The following PPIL1 variants were observed in gnomAD, a reference collection of about 807,000 sequenced individuals.
PPIL1 encodes peptidyl-prolyl cis-trans isomerase-like 1.
A neutral mutation model predicts 19.4 loss-of-function variants in PPIL1; 14 were observed. That is an observed-to-expected ratio of 0.72 (90% confidence interval 0.48 to 1.13). The LOEUF (loss-of-function observed/expected upper bound fraction) is 1.13, where lower values mean the gene tolerates loss of function less well. Ranked by LOEUF, PPIL1 falls within the 50% of genes most tolerant of loss-of-function variation. PPIL1 has a pLI of 0.00. For missense variants in PPIL1, 192 were observed against 218.0 expected (o/e 0.88, Z 0.75); for synonymous variants, 72 against 73.6 (o/e 0.98, Z 0.11).
At chr6:36,871,575 A>T in intron 2 of PPIL1, 143 bp downstream of exon 2, 1 of 1,034,824 alleles carries the variant, frequency 9.7e-7, no homozygotes, top group Non-Finnish European at 1.4e-6. Context: ...ACCAACACAG[A>T]CCTTAGTAAG....
In PPIL1 at chr6:36,856,660, C is replaced by A. The variant is rs1182400850; in HGVS notation, c.212-6G>T. The A allele has an allele frequency of 2.5e-6, 4 of 1,613,446 alleles. No homozygotes were observed. Among genetic ancestry groups the A allele is most frequent in the Non-Finnish European group, 3.4e-6 (4 of 1,179,534 alleles). On this transcript the variant is annotated splice_region_variant and splice_polypyrimidine_tract_variant and intron_variant, in intron 2 of 3. Coordinates refer to ENST00000373699, the MANE Select transcript of PPIL1 (RefSeq NM_016059.5). Reference sequence around the variant, plus strand: ...GATAGATGCACCACCTCGACCTGCCCGATTGGAAGATGACACATGAATCAG... The same window carrying A: ...GATAGATGCACCACCTCGACCTGCCAGATTGGAAGATGACACATGAATCAG...
chr6:36,867,987 G>A (rs1320222041), intron 2 of PPIL1, among the ~76,000 whole-genome samples: 6 of 152,150 alleles, frequency 3.9e-5, no homozygotes, highest in Non-Finnish European at 8.8e-5. Flanking sequence ...CAAATGGCAT[G>A]GAAACTAGGC....
Position 36,862,845 on chromosome 6 carries a change from G to A in PPIL1, c.212-6191C>T, listed in dbSNP as rs1430757818. 4.6e-5 allele frequency among the ~76,000 whole-genome samples: 7 copies of A among 152,180 alleles called. No homozygotes were observed. In the East Asian group the frequency reaches 5.8e-4, roughly 13 times the overall value. The stretch of plus-strand genomic sequence containing the variant: ...CAAACACTTTGTTAATATACCAGAC[G>A]GGAACAATGCCACAGTCCTCCAAGG... On this transcript the variant is annotated intron_variant, in intron 2 of 3. Coordinates refer to ENST00000373699, the MANE Select transcript of PPIL1 (RefSeq NM_016059.5).
chr6:36,864,094 C>T (rs764879566), intron 2 of PPIL1, among the ~76,000 whole-genome samples: 64 of 152,022 alleles, frequency 4.2e-4, no homozygotes, highest in African/African-American at 5.8e-4. Context: ...GTTCAAACAA[C>T]AACCATCTCC....
At chr6:36,857,818 G>A (rs1208256885) in intron 2 of PPIL1, among the ~76,000 whole-genome samples, 1 of 152,014 alleles carries the variant, frequency 6.6e-6, no homozygotes, top group Non-Finnish European at 1.5e-5. Context: ...AAGAAACATG[G>A]GATTGGGAAT....
At chr6:36,870,292 A>T (rs1052916692) in intron 2 of PPIL1, among the ~76,000 whole-genome samples, 1 of 152,150 alleles carries the variant, frequency 6.6e-6, no homozygotes, top group African/African-American at 2.4e-5. Flanking sequence ...TGAAATGAGT[A>T]AGGGTTCCAC....
intron 2 of PPIL1, among the ~76,000 whole-genome samples, chr6:36,869,896 G>T (rs1349352276): frequency 2.6e-5 from 4 of 151,642 alleles, no homozygotes; most frequent in South Asian, 2.1e-4. Context: ...CTATTTTTTT[G>T]AAACTACTTC....
chr6:36,872,980 G>A (rs1216766770), intron 1 of PPIL1, among the ~76,000 whole-genome samples: 1 of 152,184 alleles, frequency 6.6e-6, no homozygotes, highest in Non-Finnish European at 1.5e-5. Context: ...CACTCTATAA[G>A]TATATGAGGA....
intron 2 of PPIL1, among the ~76,000 whole-genome samples, chr6:36,858,061 T>C (rs1337080341): frequency 6.6e-6 from 1 of 150,842 alleles, no homozygotes; most frequent in African/African-American, 2.4e-5. Flanking sequence ...AACCCCCATC[T>C]CTACTAAAAA....
rs1050494014 is a variant in PPIL1 at position 36,855,707 on chromosome 6, T to C, written c.*106A>G. 10 of 1,180,350 alleles carry C rather than the reference T, an allele frequency of 8.5e-6. No individual in the cohort carries two copies. The highest frequency in any genetic ancestry group is 1.3e-5 in the South Asian group (1 of 75,672). The allele number at this position is 1,180,350 out of a possible 1,614,324, so 73.1% of individuals were successfully genotyped here. A position where few individuals can be genotyped will look rare whatever the true frequency, so the allele number is the denominator to read the frequency against. ...AAGATGCCAGGCCTCCTAAGCTTCA[T>C]GACTTGCAAAGCCAAAATGAATTTA... On this transcript the variant is annotated 3_prime_UTR_variant, in exon 4 of 4. Transcript: ENST00000373699.
In PPIL1 at chr6:36,858,393, C is replaced by T. The variant is rs187414812; in HGVS notation, c.212-1739G>A. ...TTGGTTTCTCCAAGTTGAACGGTCA[C>T]GACAAAACAGCCTAGAACAAAGTAA... On this transcript the variant is annotated intron_variant, in intron 2 of 3. Coordinates refer to ENST00000373699, the MANE Select transcript of PPIL1 (RefSeq NM_016059.5). Among the ~76,000 whole-genome samples the T allele has an allele frequency of 1.8e-4, 27 of 152,200 alleles. No homozygotes were observed. The East Asian group carries it at 3.3e-3, about 18-fold the overall frequency.
intron 2 of PPIL1, among the ~76,000 whole-genome samples, chr6:36,868,538 A>G (rs1774438378): frequency 6.6e-6 from 1 of 152,206 alleles, no homozygotes; most frequent in Non-Finnish European, 1.5e-5. Context: ...CCAAAACCAT[A>G]TTCAAAAATG....
At chr6:36,858,801 A>G in intron 2 of PPIL1, among the ~76,000 whole-genome samples, 1 of 152,110 alleles carries the variant, frequency 6.6e-6, no homozygotes, top group East Asian at 1.9e-4. Context: ...TATATAACCA[A>G]TATGTTCCCT....
intron 2 of PPIL1, among the ~76,000 whole-genome samples, chr6:36,870,847 C>A (rs1170080714): frequency 6.6e-6 from 1 of 152,144 alleles, no homozygotes; most frequent in Non-Finnish European, 1.5e-5. Flanking sequence ...TGGTCTTGAA[C>A]TCCTGACCTC....
chr6:36,856,746 G>A (rs889423619), intron 2 of PPIL1, 92 bp from the exon 3 acceptor site: 5 of 1,228,436 alleles, frequency 4.1e-6, no homozygotes, highest in Admixed American at 3.5e-5. Context: ...ATTTCTCAGA[G>A]TAGAGGAAAG....
At chr6:36,856,746 G>T in intron 2 of PPIL1, 92 bp from the exon 3 acceptor site, 3 of 1,228,552 alleles carry the variant, frequency 2.4e-6, no homozygotes, top group Non-Finnish European at 2.4e-6. Flanking sequence ...ATTTCTCAGA[G>T]TAGAGGAAAG....
chr6:36,866,933 G>T (rs1774405181), intron 2 of PPIL1, among the ~76,000 whole-genome samples: 1 of 152,180 alleles, frequency 6.6e-6, no homozygotes, highest in Admixed American at 6.5e-5. Context: ...ATGAGACATG[G>T]GGTTTTATTG....
intron 2 of PPIL1, among the ~76,000 whole-genome samples, chr6:36,859,491 A>G (rs1018409802): frequency 3.3e-5 from 5 of 151,794 alleles, no homozygotes; most frequent in Non-Finnish European, 7.4e-5. Context: ...AGGAAAGAGC[A>G]TGGAGATCAC....
chr6:36,874,314 T>A (rs991448701), intron 1 of PPIL1, among the ~76,000 whole-genome samples: 1 of 152,262 alleles, frequency 6.6e-6, no homozygotes, highest in Admixed American at 6.5e-5. Flanking sequence ...GTATTACTTA[T>A]CACGTAATGT....
Sources: allele counts gnomAD v4.1 joint callset (sites outside exome capture counted in the v4.1 genomes callset), GRCh38; gene constraint gnomAD v4.1.1; transcripts MANE v1.5; gene names NCBI Gene and HGNC (gene_info 2026-07-23, HGNC 2026-07-21).